AHNAK: variants seen among roughly 807,000 people sequenced by gnomAD.
AHNAK encodes the protein AHNAK nucleoprotein.
AHNAK carries 23 observed loss-of-function variants against 37.8 expected under a neutral mutation model. The observed-to-expected ratio is 0.61, with a 90% CI of 0.44 to 0.86. The LOEUF (loss-of-function observed/expected upper bound fraction) is 0.86. AHNAK is among the 40% of genes least tolerant of loss of function. AHNAK has a pLI of 0.00. For synonymous variants in AHNAK, 2,481 were observed against 2,636.3 expected (o/e 0.94, Z 1.80); for missense variants, 7,411 against 7,319.4 (o/e 1.01, Z -0.46).
At chr11:62,472,273 G>T (rs761912078) in intron 5 of AHNAK, among the ~76,000 whole-genome samples, 1 of 151,908 alleles carries the variant, frequency 6.6e-6, no homozygotes, top group Non-Finnish European at 1.5e-5. Flanking sequence ...TCTGTAGACC[G>T]CACAGCCAGA....
At chr11:62,514,101 T>A (rs571160335), downstream of AHNAK, among the ~76,000 whole-genome samples, 5 of 152,170 alleles carry the variant, frequency 3.3e-5, no homozygotes, top group South Asian at 4.1e-4. Context: ...TAAAAAAAAA[T>A]TTAATTGATA....
chr11:62,487,220 G>A (rs1036696133), intron 5 of AHNAK, among the ~76,000 whole-genome samples: 20 of 152,196 alleles, frequency 1.3e-4, no homozygotes, highest in African/African-American at 4.8e-4. Flanking sequence ...CACTATAAAC[G>A]CTGCCCAGGC....
At chr11:62,479,446 C>T (rs1156711780) in intron 5 of AHNAK, among the ~76,000 whole-genome samples, 27 of 141,710 alleles carry the variant, frequency 1.9e-4, no homozygotes, top group African/African-American at 6.4e-4. Context: ...GGATTACGGG[C>T]GTGAGCTACC....
intron 5 of AHNAK, among the ~76,000 whole-genome samples, chr11:62,460,987 A>ATTTTTTTT (rs58443970): frequency 8.3e-4 from 86 of 103,608 alleles, no homozygotes; most frequent in East Asian, 2.3e-3. Context: ...GGCCTGGCTA[A>ATTTTTTTT]TTTTTTTTTT....
intron 5 of AHNAK, among the ~76,000 whole-genome samples, chr11:62,446,240 C>T (rs77538102): frequency 0.028 from 4,215 of 152,160 alleles, 204 homozygotes; most frequent in African/African-American, 0.097. Context: ...GAAGCCTAGC[C>T]TGTAAGTGCT....
chr11:62,460,786 G>A (rs1209769929), intron 5 of AHNAK, among the ~76,000 whole-genome samples: 2 of 151,970 alleles, frequency 1.3e-5, no homozygotes, highest in Admixed American at 6.6e-5. Flanking sequence ...GAGACGAGGT[G>A]GCTGTCATGT....
At chr11:62,499,482 C>T (rs113858593) in intron 4 of AHNAK, among the ~76,000 whole-genome samples, 9,368 of 152,102 alleles carry the variant, frequency 0.062, 463 homozygotes, top group African/African-American at 0.13. Flanking sequence ...ACCCGGGAGG[C>T]GGAGGTTGTA....
intron 5 of AHNAK, among the ~76,000 whole-genome samples, chr11:62,479,225 T>C (rs976941279): frequency 1.5e-5 from 2 of 136,474 alleles, no homozygotes; most frequent in African/African-American, 5.3e-5. Context: ...TGGGGTACAA[T>C]GGCACGATCT....
Position 62,520,596 on chromosome 11 carries a change from C to T in AHNAK, c.13821G>A (p.Val4607=), listed in dbSNP as rs115690666. 1.3e-5 allele frequency: 21 copies of T among 1,614,200 alleles called. No individual in the cohort carries two copies. Among genetic ancestry groups the T allele is most frequent in the Middle Eastern group, 3.3e-4 (2 of 6,062 alleles). Residue 4607 remains valine, a synonymous_variant, in exon 5 of 5, where the codon GTG becomes GTA. Transcript: ENST00000378024. ...GCAGAGAAATGTCCATGTCGCCCTT[C>T]ACCTTTGGACCTTTCAGATTCAGGT... ...EVDLNLKGPK[V]KGDMDISLPK...
At chr11:62,504,727 C>T (rs562990664) in intron 4 of AHNAK, among the ~76,000 whole-genome samples, 25 of 152,198 alleles carry the variant, frequency 1.6e-4, no homozygotes, top group Admixed American at 1.5e-3. Flanking sequence ...AACCTTAAGG[C>T]CAAAACTCCT....
rs780494580 is a variant in AHNAK, at chr11:62,533,561, C to T, written c.856G>A (p.Gly286Ser). 1.2e-6 allele frequency: 2 copies of T among 1,614,154 alleles called. No individual in the cohort carries two copies. Among genetic ancestry groups the T allele is most frequent in the Admixed American group, 1.7e-5 (1 of 60,024 alleles). The part of the protein sequence containing the change: ...PAVDISSSLG[G>S]RAVEVQGPSL... ...GGGCCCTGTACCTCTACTGCCCTAC[C>T]CCCAAGAGAAGATGAAATGTCCACT... The change falls in exon 5 of 5, where the codon GGT becomes AGT. Residue 286 changes from glycine (G) to serine (S), a missense_variant. By Grantham distance (56) the Gly-to-Ser change is moderately conservative (BLOSUM62 0). Transcript: ENST00000378024.
In AHNAK at chr11:62,525,238, A is replaced by G. The variant is rs768697535; in HGVS notation, c.9179T>C (p.Ile3060Thr). ...DLDVSGPKVD[I>T]DVPDVNIEGP... is the part of the protein sequence containing the mutation. Reference sequence around the variant, plus strand: ...TTCGATATTCACATCTGGAACATCAATGTCCACCTTGGGTCCTGAGACATC... The same window carrying G: ...TTCGATATTCACATCTGGAACATCAGTGTCCACCTTGGGTCCTGAGACATC... The change falls in exon 5 of 5, where the codon ATT (isoleucine) becomes ACT (threonine). Residue 3060 changes from isoleucine (I) to threonine (T), a missense_variant. Transcript: ENST00000378024. 1.9e-6 allele frequency: 3 copies of G among 1,610,642 alleles called. No homozygotes were observed. Among genetic ancestry groups the G allele is most frequent in the African/African-American group, 1.4e-5 (1 of 73,668 alleles).
chr11:62,546,363 C>T lies in AHNAK; in HGVS notation c.-100+297G>A, dbSNP rs1029502647. Among the ~76,000 whole-genome samples, 3 of 152,372 alleles carry T rather than the reference C, an allele frequency of 2.0e-5. No homozygotes were observed. The East Asian group carries it at 5.8e-4, about 29-fold the overall frequency. ...AGGCCACCAGGCCCGGAACGGGGCG[C>T]CCTGCCTTGCAGTGGAGCCAACAGT... On this transcript the variant is annotated intron_variant, in intron 1 of 4. Transcript: ENST00000378024.
At chr11:62,481,857 G>A (rs1266716515) in intron 5 of AHNAK, among the ~76,000 whole-genome samples, 9 of 151,706 alleles carry the variant, frequency 5.9e-5, no homozygotes, top group South Asian at 2.1e-4. Context: ...GAACCACCGC[G>A]CCTGGCCCTT....
chr11:62,541,483 C>T (rs1475925130), intron 1 of AHNAK, among the ~76,000 whole-genome samples: 1 of 152,140 alleles, frequency 6.6e-6, no homozygotes, highest in East Asian at 1.9e-4. Flanking sequence ...CATTCGGAAC[C>T]AGGAGGAGAG....
At position 62,520,311 on chromosome 11, in the gene AHNAK, C is replaced by T. The variant is rs144377432; in HGVS notation, c.14106G>A (p.Ala4702=). 8.8e-5 allele frequency: 141 copies of T among 1,610,102 alleles called. No homozygotes were observed. Among genetic ancestry groups the T allele is most frequent in the Non-Finnish European group, 1.1e-4 (132 of 1,178,806 alleles). Residue 4702 remains alanine (A), a synonymous_variant, in exon 5 of 5, where the codon GCG becomes GCA. Coordinates refer to ENST00000378024, the MANE Select transcript of AHNAK (RefSeq NM_001620.3). ...VPDVNIEGPD[A]KLKGPKFKMP... ...TCTTGAACTTGGGGCCCTTTAGTTT[C>T]GCATCTGGACCTTCGATATTCACAT...
In AHNAK at chr11:62,536,129, T is replaced by G. The variant is rs371730602; in HGVS notation, c.1-31A>C. On this transcript the variant is annotated intron_variant, in intron 2 of 4. Coordinates refer to ENST00000378024, the MANE Select transcript of AHNAK (RefSeq NM_001620.3). ...ATGAGGTGAGGAAATGGAACTGGGG[T>G]CAGTGGGGGTGGGAGGACATGAGGG... 2.2e-5 allele frequency: 33 copies of G among 1,533,352 alleles called. 1 individual carries two copies. The highest frequency in any genetic ancestry group is 2.7e-5 in the Non-Finnish European group (31 of 1,136,398). 95.0% of individuals were successfully genotyped at this position (1,533,352 alleles called of 1,614,324 possible).
At chr11:62,502,161 G>T (rs187189486) in intron 4 of AHNAK, among the ~76,000 whole-genome samples, 27 of 152,072 alleles carry the variant, frequency 1.8e-4, no homozygotes, top group African/African-American at 5.3e-4. Context: ...TCAGGTCCTC[G>T]ACTTCAGAGT....
intron 5 of AHNAK, among the ~76,000 whole-genome samples, chr11:62,464,028 A>G (rs1332558200): frequency 6.6e-6 from 1 of 151,022 alleles, no homozygotes; most frequent in African/African-American, 2.4e-5. Context: ...TCAGCCTCCC[A>G]AAGTGCTGGG....
Sources: gnomAD v4.1 joint callset for allele counts (sites outside exome capture counted in the v4.1 genomes callset) on GRCh38, gnomAD v4.1.1 for gene constraint, MANE v1.5 for transcripts, NCBI Gene and HGNC (gene_info 2026-07-23, HGNC 2026-07-21) for gene names.